Variants in IFTAP observed in about 807,000 individuals in gnomAD.
IFTAP encodes the protein intraflagellar transport-associated protein.
IFTAP carries 19 observed loss-of-function variants against 19.4 expected under a neutral mutation model. That is an observed-to-expected ratio of 0.98 (90% CI 0.68 to 1.44). The LOEUF (loss-of-function observed/expected upper bound fraction) is 1.44. Among genes scored for constraint, IFTAP ranks in the 40% most tolerant of loss-of-function variants. IFTAP has a pLI of 0.00. For synonymous variants in IFTAP, 85 were observed against 83.5 expected, an observed-to-expected ratio of 1.02 and a Z score of -0.10; for missense variants, 240 against 253.6, an observed-to-expected ratio of 0.95 and a Z score of 0.36.
intron 2 of IFTAP, among the ~76,000 whole-genome samples, chr11:36,627,305 T>C (rs550172629): frequency 1.3e-5 from 2 of 151,206 alleles, no homozygotes; most frequent in Non-Finnish European, 2.9e-5. Context: ...CATTGAATTG[T>C]ACACTTAAAA....
intron 1 of IFTAP, chr11:36,595,301 T>C (rs1352395157): frequency 2.0e-5 from 3 of 152,188 alleles, no homozygotes; most frequent in Admixed American, 6.5e-5. Flanking sequence ...AGCATAGAAG[T>C]GTTTGAATTA....
intron 2 of IFTAP, among the ~76,000 whole-genome samples, chr11:36,622,083 A>ATTTTTTTTTTTTTTTTTTTT (rs199873596): frequency 4.3e-5 from 6 of 138,174 alleles, no homozygotes; most frequent in Non-Finnish European, 7.6e-5. Context: ...CTCTTGTTCT[A>ATTTTTTTTTTTTTTTTTTTT]TTTTTTATTT....
chr11:36,629,135 A>G (rs1565019153), intron 2 of IFTAP, among the ~76,000 whole-genome samples: 1 of 151,422 alleles, frequency 6.6e-6, no homozygotes, highest in African/African-American at 2.5e-5. Flanking sequence ...GTGATCAAGA[A>G]GCAGTGGAGT....
chr11:36,635,179 A>G (rs1230003820), intron 3 of IFTAP, among the ~76,000 whole-genome samples: 1 of 152,194 alleles, frequency 6.6e-6, no homozygotes, highest in African/African-American at 2.4e-5. Flanking sequence ...CAATTATGAA[A>G]TGTAAATTTG....
chr11:36,627,830 CAG>C (rs1423091865), intron 2 of IFTAP, among the ~76,000 whole-genome samples: 16 of 150,920 alleles, frequency 1.1e-4, no homozygotes, highest in Middle Eastern at 3.4e-3. Flanking sequence ...CCCACCATCA[CAG>C]AGATTGTTTA....
intron 4 of IFTAP, among the ~76,000 whole-genome samples, chr11:36,643,895 C>G (rs1158238439): frequency 6.6e-6 from 1 of 152,134 alleles, no homozygotes; most frequent in Admixed American, 6.5e-5. Context: ...CATAAAAACC[C>G]TAGAAGAAAA....
intron 2 of IFTAP, among the ~76,000 whole-genome samples, chr11:36,612,882 C>T (rs190012684): frequency 4.5e-4 from 69 of 152,170 alleles, no homozygotes; most frequent in Non-Finnish European, 7.1e-4. Flanking sequence ...GCCTCAGACT[C>T]TTGGAAAACA....
intron 2 of IFTAP, among the ~76,000 whole-genome samples, chr11:36,629,756 C>T (rs1359748220): frequency 6.6e-6 from 1 of 150,864 alleles, no homozygotes; most frequent in Non-Finnish European, 1.5e-5. Context: ...GTGGTGGGGG[C>T]CTTGTAAGGG....
chr11:36,657,631 C>T (rs1435899625), intron 5 of IFTAP, among the ~76,000 whole-genome samples: 1 of 152,128 alleles, frequency 6.6e-6, no homozygotes, highest in East Asian at 1.9e-4. Flanking sequence ...GCAGATTACC[C>T]TGGATCCAAA....
intron 1 of IFTAP, among the ~76,000 whole-genome samples, chr11:36,607,884 G>A (rs772837066): frequency 6.6e-6 from 1 of 152,080 alleles, no homozygotes; most frequent in Non-Finnish European, 1.5e-5. Flanking sequence ...TGTTGTTCAG[G>A]CTGGTCTCAA....
intron 2 of IFTAP, among the ~76,000 whole-genome samples, chr11:36,618,478 A>G (rs1852177112): frequency 1.3e-5 from 2 of 152,022 alleles, no homozygotes; most frequent in Admixed American, 1.3e-4. Context: ...TCAGCTCCAT[A>G]CAGCTGGTGT....
intron 2 of IFTAP, among the ~76,000 whole-genome samples, chr11:36,622,626 T>C (rs1206542782): frequency 2.6e-5 from 4 of 152,068 alleles, no homozygotes; most frequent in African/African-American, 9.7e-5. Flanking sequence ...TAATTCTGCC[T>C]GTTTGGTATG....
At chr11:36,645,865 C>T (rs1410753799) in intron 4 of IFTAP, among the ~76,000 whole-genome samples, 2 of 152,096 alleles carry the variant, frequency 1.3e-5, no homozygotes, top group African/African-American at 4.8e-5. Context: ...CAGGCAGACT[C>T]GATACTTGCT....
At chr11:36,632,314 A>G (rs7934245) in intron 2 of IFTAP, among the ~76,000 whole-genome samples, 1 of 151,130 alleles carries the variant, frequency 6.6e-6, no homozygotes, top group Non-Finnish European at 1.5e-5. Context: ...GGCTTAAACT[A>G]TTACCTCAGT....
intron 4 of IFTAP, among the ~76,000 whole-genome samples, chr11:36,642,884 A>G (rs1259199325): frequency 1.3e-5 from 2 of 152,234 alleles, no homozygotes; most frequent in Admixed American, 6.5e-5. Flanking sequence ...GTTTATGACA[A>G]ACCCACAGCC....
intron 5 of IFTAP, 82 bp downstream of exon 5, chr11:36,648,237 G>T: frequency 3.4e-6 from 5 of 1,462,308 alleles, no homozygotes; most frequent in East Asian, 2.4e-5. Context: ...GCATGCTTCT[G>T]TATTTTTCTA....
chr11:36,610,012 C>A, intron 1 of IFTAP, 69 bp from the exon 2 acceptor site: 1 of 1,388,260 alleles, frequency 7.2e-7, no homozygotes, highest in South Asian at 1.3e-5. Flanking sequence ...TCAACCTACC[C>A]ATCCAGAATA....
rs532715356 is a variant in IFTAP, at chr11:36,641,792, G to A, written c.358+5675G>A. ...AGTTTTGTAGATGTCTATTAGGTCC[G>A]CTTCGTGCAAAGCTGAGTTCAATTC... On this transcript the variant is annotated intron_variant, in intron 4 of 5. Coordinates refer to ENST00000334307, the MANE Select transcript of IFTAP (RefSeq NM_138787.4). Among the ~76,000 whole-genome samples, 10 of 152,184 alleles carry A rather than the reference G, an allele frequency of 6.6e-5. 1 individual carries two copies. In the South Asian group the frequency reaches 1.5e-3, roughly 22 times the overall value.
At chr11:36,613,906 TGTTGA>T (rs1025481264) in intron 2 of IFTAP, among the ~76,000 whole-genome samples, 5 of 150,652 alleles carry the variant, frequency 3.3e-5, no homozygotes, top group Admixed American at 6.6e-5. Flanking sequence ...TTTTTGTTGT[TGTTGA>T]GTTTTCTTTT....
Sources: allele counts gnomAD v4.1 joint callset (sites outside exome capture counted in the v4.1 genomes callset), GRCh38; gene constraint gnomAD v4.1.1; transcripts MANE v1.5; gene names NCBI Gene and HGNC (gene_info 2026-07-23, HGNC 2026-07-21).